The following FIG4 variants were observed in gnomAD, a reference collection of about 807,000 sequenced individuals.
The protein encoded by FIG4 is polyphosphoinositide phosphatase.
FIG4 carries 112 observed loss-of-function variants against 118.6 expected under a neutral mutation model. The ratio of observed to expected loss-of-function variants is 0.94; its 90% CI spans 0.81 to 1.11. FIG4 has a LOEUF of 1.11. Among genes scored for constraint, FIG4 ranks in the 50% least tolerant of loss-of-function variants. The pLI is 0.00. For missense variants in FIG4, 969 were observed against 1,111.7 expected (o/e 0.87, Z 1.83); for synonymous variants, 369 against 381.2 (o/e 0.97, Z 0.37).
At chr6:109,707,264 GAT>G (rs1491455247) in intron 1 of FIG4, among the ~76,000 whole-genome samples, 3 of 146,760 alleles carry the variant, frequency 2.0e-5, no homozygotes, top group African/African-American at 7.8e-5. Context: ...TTTATAAACT[GAT>G]GTGTGTGTGT....
chr6:109,772,061 G>A (rs1777482871), intron 15 of FIG4, among the ~76,000 whole-genome samples: 1 of 152,128 alleles, frequency 6.6e-6, no homozygotes, highest in Non-Finnish European at 1.5e-5. Flanking sequence ...CAACTGCCCT[G>A]CCATGACACC....
intron 15 of FIG4, among the ~76,000 whole-genome samples, chr6:109,768,847 G>A (rs764257815): frequency 5.9e-5 from 9 of 152,066 alleles, no homozygotes; most frequent in African/African-American, 9.7e-5. Context: ...AGCACAAACC[G>A]GTGGCTCAAA....
intron 22 of FIG4, among the ~76,000 whole-genome samples, chr6:109,808,307 T>C (rs1396050092): frequency 2.3e-5 from 3 of 127,840 alleles, no homozygotes; most frequent in African/African-American, 9.2e-5. Flanking sequence ...GGCACCAAAG[T>C]ATATTGGTGA....
intron 13 of FIG4, 131 bp from the exon 14 acceptor site, chr6:109,764,882 C>T: frequency 1.5e-6 from 1 of 685,806 alleles, no homozygotes. Flanking sequence ...GGAATAATAC[C>T]TGCCCACAGA....
chr6:109,825,180 TC>T lies in FIG4; in HGVS notation c.2641del (p.Gln881ArgfsTer10). The T allele has an allele frequency of 6.2e-7, 1 of 1,614,018 alleles. No homozygotes were observed. On this transcript the variant is annotated frameshift_variant, in exon 23 of 23. Transcript: ENST00000230124. LOFTEE classifies it high-confidence loss of function. ...RKSTEIFQAH[I>X]QASQGIMQPL... ...TCTACAGAGATCTTCCAAGCCCACATCCAGGCCAGCCAAGGTATCATGCAGC... is the reference window on the plus strand; with the variant it reads ...TCTACAGAGATCTTCCAAGCCCACATCAGGCCAGCCAAGGTATCATGCAGC...
intron 22 of FIG4, among the ~76,000 whole-genome samples, chr6:109,819,088 T>C (rs2128401639): frequency 6.6e-6 from 1 of 152,340 alleles, no homozygotes; most frequent in Admixed American, 6.5e-5. Context: ...CCAGGATCTC[T>C]GGGTATGTGT....
rs375333985 is a variant in FIG4, at chr6:109,820,501, T to A, written c.2547-4587T>A. 6.6e-5 allele frequency among the ~76,000 whole-genome samples: 10 copies of A among 151,582 alleles called. No homozygotes were observed. In the East Asian group the frequency reaches 1.9e-3, roughly 29 times the overall value. ...CTGAAGGGAACAGGTCCGGCAAGAG[T>A]AGACGTGGGAGTTGAGCTGGGAAAG... On this transcript the variant is annotated intron_variant, in intron 22 of 22. Transcript: ENST00000230124.
chr6:109,745,072 T>C (rs1337897911), intron 10 of FIG4, among the ~76,000 whole-genome samples: 1 of 152,194 alleles, frequency 6.6e-6, no homozygotes, highest in Non-Finnish European at 1.5e-5. Context: ...TCCAAGTCTT[T>C]GCTATTGTGA....
chr6:109,722,970 G>A lies in FIG4; in HGVS notation c.290-4139G>A, dbSNP rs1392124435. Among the ~76,000 whole-genome samples, 3 of 139,712 alleles carry A rather than the reference G, an allele frequency of 2.1e-5. No homozygotes were observed. In the Admixed American group the frequency reaches 2.2e-4, roughly 10 times the overall value. 91.7% of individuals were successfully genotyped at this position (139,712 alleles called of 152,430 possible). A position where few individuals can be genotyped will look rare whatever the true frequency, so the allele number is the denominator to read the frequency against. On this transcript the variant is annotated intron_variant, in intron 3 of 22. Coordinates refer to ENST00000230124, the MANE Select transcript of FIG4 (RefSeq NM_014845.6). ...AGGAAGGAGCCCTGCCTTCTTGGCG[G>A]CACCTGCCCAGAGTAGATATCCTGT...
chr6:109,806,108 A>G (rs572458521), intron 22 of FIG4, among the ~76,000 whole-genome samples: 4 of 152,222 alleles, frequency 2.6e-5, no homozygotes, highest in South Asian at 2.1e-4. Flanking sequence ...TATTATTCCT[A>G]TTGGCCTAAA....
intron 3 of FIG4, among the ~76,000 whole-genome samples, chr6:109,724,373 C>A (rs1010770281): frequency 2.0e-5 from 3 of 152,164 alleles, no homozygotes; most frequent in African/African-American, 7.2e-5. Context: ...ATTAGACCTC[C>A]GTTCAGCTGT....
At chr6:109,792,550 C>A in intron 20 of FIG4, 32 bp from the exon 21 acceptor site, 1 of 1,353,420 alleles carries the variant, frequency 7.4e-7, no homozygotes. Flanking sequence ...AAAAATTCTT[C>A]CTGGTTCTTC....
intron 15 of FIG4, among the ~76,000 whole-genome samples, chr6:109,772,401 G>T (rs1362261755): frequency 6.6e-6 from 1 of 152,074 alleles, no homozygotes; most frequent in African/African-American, 2.4e-5. Context: ...ATGAACTCCA[G>T]ACTCATTTAT....
intron 20 of FIG4, 51 bp from the exon 21 acceptor site, chr6:109,792,531 T>C (rs1159240371): frequency 2.8e-6 from 3 of 1,061,826 alleles, no homozygotes; most frequent in Non-Finnish European, 4.4e-6. Context: ...ATTGATATGC[T>C]ATATGTCTAA....
rs186686480 is a variant in FIG4 at position 109,704,773 on chromosome 6, G to A, written c.67-10305G>A. Among the ~76,000 whole-genome samples, 23 of 149,166 alleles carry A rather than the reference G, an allele frequency of 1.5e-4. No individual in the cohort carries two copies. The East Asian group carries it at 1.6e-3, about 10-fold the overall frequency. On this transcript the variant is annotated intron_variant, in intron 1 of 22. Transcript: ENST00000230124. ...TATTCTAGATTAAAAGATTTAAAAA[G>A]ATGTAACATAACTTTACATAAAGAT...
At position 109,764,163 on chromosome 6, in the gene FIG4, G is replaced by T. The variant is rs13196280; in HGVS notation, c.1434+181G>T. ...TTATGAAAAATGTGTAGCTGGCTGGGCGCGGTGGCTCATGCTTGTAATCCC... is the reference window on the plus strand; with the variant it reads ...TTATGAAAAATGTGTAGCTGGCTGGTCGCGGTGGCTCATGCTTGTAATCCC... On this transcript the variant is annotated intron_variant, in intron 13 of 22. Coordinates refer to ENST00000230124, the MANE Select transcript of FIG4 (RefSeq NM_014845.6). 0.22 allele frequency among the ~76,000 whole-genome samples: 33,815 copies of T among 152,024 alleles called. 4,110 individuals carry two copies. Among genetic ancestry groups the T allele is most frequent in the Middle Eastern group, 0.33 (97 of 294 alleles).
At chr6:109,727,324 A>G (rs567294037) in intron 4 of FIG4, 59 bp downstream of exon 4, 3 of 1,295,302 alleles carry the variant, frequency 2.3e-6, no homozygotes, top group Non-Finnish European at 2.2e-6. Context: ...CCTGTTGCCC[A>G]GGCTGGAAGG....
At chr6:109,801,981 C>T (rs1379555849) in intron 22 of FIG4, among the ~76,000 whole-genome samples, 1 of 152,120 alleles carries the variant, frequency 6.6e-6, no homozygotes, top group African/African-American at 2.4e-5. Context: ...AGTCTTCAAA[C>T]ATTTAAGGAT....
At chr6:109,817,662 A>G (rs1182600874) in intron 22 of FIG4, among the ~76,000 whole-genome samples, 1 of 151,828 alleles carries the variant, frequency 6.6e-6, no homozygotes, top group African/African-American at 2.4e-5. Flanking sequence ...CACCATTGCC[A>G]CTCATATATG....
Sources: allele counts gnomAD v4.1 joint callset (sites outside exome capture counted in the v4.1 genomes callset), GRCh38; gene constraint gnomAD v4.1.1; transcripts MANE v1.5; gene names NCBI Gene and HGNC (gene_info 2026-07-23, HGNC 2026-07-21).